ROBO2: variants seen among roughly 807,000 people sequenced by gnomAD.
ROBO2 encodes roundabout homolog 2.
ROBO2 carries 53 observed loss-of-function variants against 160.8 expected under a neutral mutation model. The observed-to-expected ratio is 0.33, with a 90% CI of 0.26 to 0.41. The LOEUF is 0.41. Among genes scored for constraint, ROBO2 ranks in the 10% least tolerant of loss-of-function variants. ROBO2 has a pLI of 1.00. For synonymous variants in ROBO2, 664 were observed against 611.7 expected, an observed-to-expected ratio of 1.09 and a Z score of -1.26; for missense variants, 1,577 against 1,722.4, an observed-to-expected ratio of 0.92 and a Z score of 1.49.
intron 2 of ROBO2, among the ~76,000 whole-genome samples, chr3:76,740,963 A>C (rs1012498415): frequency 6.6e-6 from 1 of 152,110 alleles, no homozygotes; most frequent in Non-Finnish European, 1.5e-5. Context: ...TATTTTAAGA[A>C]AGTACAGCCT....
intron 2 of ROBO2, among the ~76,000 whole-genome samples, chr3:75,952,788 A>G (rs1057072728): frequency 2.0e-5 from 3 of 151,864 alleles, no homozygotes; most frequent in African/African-American, 7.2e-5. Context: ...TGCTCCATCT[A>G]TTCATCGCTT....
intron 2 of ROBO2, among the ~76,000 whole-genome samples, chr3:76,258,998 A>G (rs934017342): frequency 6.6e-6 from 1 of 152,096 alleles, no homozygotes; most frequent in African/African-American, 2.4e-5. Flanking sequence ...TAAAAAGACT[A>G]GGAACATCAT....
At chr3:77,493,512 A>G in intron 5 of ROBO2, 130 bp downstream of exon 5, 1 of 968,470 alleles carries the variant, frequency 1.0e-6, no homozygotes, top group Non-Finnish European at 1.6e-6. Flanking sequence ...ATTTTTACAT[A>G]TGCAAGCCAC....
intron 2 of ROBO2, among the ~76,000 whole-genome samples, chr3:77,114,392 T>C (rs1213861615): frequency 1.3e-5 from 2 of 152,220 alleles, no homozygotes; most frequent in African/African-American, 4.8e-5. Context: ...CCCTAAGCCA[T>C]GAAAAGACTT....
chr3:76,167,766 T>G (rs2072893015), intron 2 of ROBO2, among the ~76,000 whole-genome samples: 1 of 152,198 alleles, frequency 6.6e-6, no homozygotes, highest in Admixed American at 6.5e-5. Flanking sequence ...TTATTTGAAA[T>G]CTAAAAATTA....
At chr3:76,208,228 G>A (rs1164455373) in intron 2 of ROBO2, among the ~76,000 whole-genome samples, 1 of 152,076 alleles carries the variant, frequency 6.6e-6, no homozygotes, top group African/African-American at 2.4e-5. Context: ...GTGGTGCGAG[G>A]ATGGACTAAT....
intron 2 of ROBO2, among the ~76,000 whole-genome samples, chr3:76,683,786 T>C (rs2092623900): frequency 6.6e-6 from 1 of 152,128 alleles, no homozygotes; most frequent in East Asian, 1.9e-4. Context: ...TTAGCTCCTT[T>C]GACTAAACGG....
chr3:76,170,507 A>G (rs1181287727), intron 2 of ROBO2, among the ~76,000 whole-genome samples: 1 of 152,146 alleles, frequency 6.6e-6, no homozygotes, highest in Admixed American at 6.6e-5. Context: ...CTGGCCAATA[A>G]TTTTATACTA....
At chr3:77,299,266 G>C (rs1387533695) in intron 2 of ROBO2, among the ~76,000 whole-genome samples, 4 of 152,110 alleles carry the variant, frequency 2.6e-5, no homozygotes, top group Non-Finnish European at 5.9e-5. Context: ...GGAATAGATA[G>C]GTGTGGTATC....
rs552433079 is a variant in ROBO2 at position 76,071,515 on chromosome 3, C to T, written c.109+133913C>T. Among the ~76,000 whole-genome samples the T allele has an allele frequency of 5.9e-5, 9 of 152,076 alleles. No homozygotes were observed. In the South Asian group the frequency reaches 6.2e-4, roughly 11 times the overall value. On this transcript the variant is annotated intron_variant, in intron 2 of 26. Coordinates refer to the ROBO2 transcript ENST00000487694. ...ACCCATTCAAATTTTTATTTCAACC[C>T]GGTTTATGTGCTTTGCAACATTTAG... is the stretch of plus-strand genomic sequence containing the variant.
chr3:76,183,862 C>T (rs1701622917), intron 2 of ROBO2, among the ~76,000 whole-genome samples: 1 of 152,134 alleles, frequency 6.6e-6, no homozygotes, highest in Admixed American at 6.6e-5. Flanking sequence ...TCAATTAGAT[C>T]TGCCTGCGTC....
chr3:76,027,215 G>A (rs1421147023), intron 2 of ROBO2, among the ~76,000 whole-genome samples: 3 of 151,922 alleles, frequency 2.0e-5, no homozygotes, highest in Non-Finnish European at 4.4e-5. Context: ...AATGATGGGA[G>A]CATCGATTTA....
chr3:76,711,764 C>G (rs1353738218), intron 2 of ROBO2, among the ~76,000 whole-genome samples: 1 of 152,154 alleles, frequency 6.6e-6, no homozygotes, highest in Non-Finnish European at 1.5e-5. Flanking sequence ...AGCACTCTTT[C>G]TGGAATCTTT....
intron 2 of ROBO2, among the ~76,000 whole-genome samples, chr3:76,017,219 G>A (rs532313312): frequency 6.6e-6 from 1 of 152,254 alleles, no homozygotes; most frequent in East Asian, 1.9e-4. Flanking sequence ...TAACAATCGT[G>A]ATGTATGCAA....
chr3:76,833,337 CA>C (rs750138980), intron 2 of ROBO2, among the ~76,000 whole-genome samples: 8 of 152,058 alleles, frequency 5.3e-5, no homozygotes, highest in Non-Finnish European at 1.2e-4. Context: ...GCGTAGCCCC[CA>C]AAATTGACGA....
intron 2 of ROBO2, among the ~76,000 whole-genome samples, chr3:76,901,568 C>CAAAAAAAAAAA (rs34372046): frequency 1.3e-5 from 1 of 75,852 alleles, no homozygotes; most frequent in Non-Finnish European, 2.3e-5. Context: ...AATTTCATCT[C>CAAAAAAAAAAA]AAAAAAAAAA....
chr3:76,031,900 C>A lies in ROBO2; in HGVS notation c.109+94298C>A, dbSNP rs139373687. Among the ~76,000 whole-genome samples, 1,366 of 152,114 alleles carry A rather than the reference C, an allele frequency of 9.0e-3. 23 individuals carry two copies. Among genetic ancestry groups the A allele is most frequent in the African/African-American group, 0.032 (1,319 of 41,500 alleles). ...CTCATAAAATGAGTTAGGGAGGATT[C>A]CTTCTTTTCCTATTGATTGGAATAG... On this transcript the variant is annotated intron_variant, in intron 2 of 26. Coordinates refer to the ROBO2 transcript ENST00000487694.
At chr3:77,452,432 T>A (rs1176550305) in intron 2 of ROBO2, among the ~76,000 whole-genome samples, 1 of 152,190 alleles carries the variant, frequency 6.6e-6, no homozygotes, top group African/African-American at 2.4e-5. Flanking sequence ...CATGTTTGTG[T>A]CAACCTTTAT....
chr3:76,177,551 G>T (rs2073275340), intron 2 of ROBO2, among the ~76,000 whole-genome samples: 1 of 152,120 alleles, frequency 6.6e-6, no homozygotes, highest in South Asian at 2.1e-4. Flanking sequence ...TCATCCTGCT[G>T]GGTCATCTGG....
Sources: allele counts gnomAD v4.1 joint callset (sites outside exome capture counted in the v4.1 genomes callset), GRCh38; gene constraint gnomAD v4.1.1; transcripts MANE v1.5; gene names NCBI Gene and HGNC (gene_info 2026-07-23, HGNC 2026-07-21).